The following SRBD1 variants were observed in gnomAD, a reference collection of about 807,000 sequenced individuals.
SRBD1 encodes S1 RNA-binding domain-containing protein 1.
Under a neutral mutation model 115.3 loss-of-function variants are expected in SRBD1, and 88 were observed. The observed-to-expected ratio is 0.76, with a 90% CI of 0.64 to 0.91. The LOEUF (loss-of-function observed/expected upper bound fraction) is 0.91, where lower values mean the gene tolerates loss of function less well. Among genes scored for constraint, SRBD1 ranks in the 40% least tolerant of loss-of-function variants. SRBD1 has a pLI of 0.00. For synonymous variants in SRBD1, 509 were observed against 407.7 expected, an observed-to-expected ratio of 1.25 and a Z score of -2.99; for missense variants, 1,385 against 1,177.4, an observed-to-expected ratio of 1.18 and a Z score of -2.58.
At chr2:45,560,309 T>C (rs1558478817) in intron 10 of SRBD1, among the ~76,000 whole-genome samples, 1 of 152,238 alleles carries the variant, frequency 6.6e-6, no homozygotes, top group East Asian at 1.9e-4. Context: ...GTTAAAAGCA[T>C]ATTTTTTCTT....
chr2:45,508,470 T>C (rs1249620015), intron 14 of SRBD1, among the ~76,000 whole-genome samples: 1 of 152,210 alleles, frequency 6.6e-6, no homozygotes, highest in Non-Finnish European at 1.5e-5. Flanking sequence ...GGACTTGATG[T>C]TGTCCTAAAA....
intron 14 of SRBD1, among the ~76,000 whole-genome samples, chr2:45,523,760 G>T (rs1223879191): frequency 6.6e-6 from 1 of 150,898 alleles, no homozygotes; most frequent in Non-Finnish European, 1.5e-5. Context: ...TTTAAAAAAA[G>T]AATTAATATC....
At chr2:45,419,473 C>A (rs2103633062) in intron 17 of SRBD1, among the ~76,000 whole-genome samples, 1 of 152,296 alleles carries the variant, frequency 6.6e-6, no homozygotes, top group Non-Finnish European at 1.5e-5. Context: ...AGTGAAAAAT[C>A]TCTACTCTCA....
At chr2:45,600,357 C>A (rs1376561450) in intron 3 of SRBD1, among the ~76,000 whole-genome samples, 1 of 151,922 alleles carries the variant, frequency 6.6e-6, no homozygotes, top group Non-Finnish European at 1.5e-5. Flanking sequence ...TTATTTCTTC[C>A]CATTGCATGT....
chr2:45,544,930 T>C, intron 14 of SRBD1, among the ~76,000 whole-genome samples: 1 of 152,130 alleles, frequency 6.6e-6, no homozygotes, highest in South Asian at 2.1e-4. Context: ...TGAAGGAAAG[T>C]GAAGCTAAGA....
In SRBD1 at chr2:45,393,043, C is replaced by G; in HGVS notation, c.2600G>C (p.Gly867Ala). Residue 867 changes from glycine to alanine, a missense_variant, in exon 20 of 21, where the codon GGA becomes GCA. Transcript: ENST00000263736. ...QKINSFLEKE[G>A]MEKIAERLQT... ...CAATCTTTCTGCAATTTTCTCCATT[C>G]CTTCCTTTTCAAGGAATGAATTTAT... is the stretch of plus-strand genomic sequence containing the variant. 1 of 1,614,056 alleles carries G rather than the reference C, an allele frequency of 6.2e-7. No homozygotes were observed. Among genetic ancestry groups the G allele is most frequent in the Non-Finnish European group, 8.5e-7 (1 of 1,179,964 alleles).
chr2:45,537,954 G>T (rs1671816307), intron 14 of SRBD1, among the ~76,000 whole-genome samples: 1 of 152,236 alleles, frequency 6.6e-6, no homozygotes, highest in South Asian at 2.1e-4. Context: ...GGAGACAGCT[G>T]TGCTAAGGAT....
intron 16 of SRBD1, among the ~76,000 whole-genome samples, chr2:45,438,468 G>C (rs1207030472): frequency 6.6e-6 from 1 of 152,162 alleles, no homozygotes; most frequent in Non-Finnish European, 1.5e-5. Context: ...CTTTAAAGTG[G>C]CTCCAGGACT....
At chr2:45,521,749 T>C (rs1230352083) in intron 14 of SRBD1, among the ~76,000 whole-genome samples, 1 of 151,580 alleles carries the variant, frequency 6.6e-6, no homozygotes, top group Non-Finnish European at 1.5e-5. Flanking sequence ...GGAGGATCAC[T>C]TGAGCTTAGG....
At chr2:45,465,810 A>G (rs1465449109) in intron 16 of SRBD1, among the ~76,000 whole-genome samples, 1 of 152,226 alleles carries the variant, frequency 6.6e-6, no homozygotes, top group Non-Finnish European at 1.5e-5. Context: ...ATTTGTGACC[A>G]GGCTACATTT....
intron 16 of SRBD1, among the ~76,000 whole-genome samples, chr2:45,429,088 C>A (rs1298957075): frequency 1.3e-5 from 2 of 152,138 alleles, no homozygotes; most frequent in Non-Finnish European, 2.9e-5. Flanking sequence ...CCACCCAAGA[C>A]TACACCAGGA....
intron 14 of SRBD1, among the ~76,000 whole-genome samples, chr2:45,493,379 C>T (rs1670356974): frequency 1.3e-5 from 2 of 152,156 alleles, no homozygotes; most frequent in Non-Finnish European, 2.9e-5. Context: ...CTACCACGAA[C>T]AGTGGGGGCT....
intron 14 of SRBD1, among the ~76,000 whole-genome samples, chr2:45,506,927 T>G (rs1020415676): frequency 1.3e-5 from 2 of 152,210 alleles, no homozygotes; most frequent in African/African-American, 4.8e-5. Flanking sequence ...CTGTCTTTTT[T>G]CCCACACACT....
intron 16 of SRBD1, among the ~76,000 whole-genome samples, chr2:45,465,805 T>G (rs1427278399): frequency 6.6e-6 from 1 of 152,202 alleles, no homozygotes; most frequent in African/African-American, 2.4e-5. Context: ...GAAGCATTTG[T>G]GACCAGGCTA....
intron 4 of SRBD1, among the ~76,000 whole-genome samples, chr2:45,596,792 G>C (rs1020450754): frequency 1.3e-5 from 2 of 152,112 alleles, no homozygotes; most frequent in Non-Finnish European, 2.9e-5. Context: ...TATGGTAAAA[G>C]AAACCTAAGT....
At chr2:45,460,161 C>T (rs1024398642) in intron 16 of SRBD1, among the ~76,000 whole-genome samples, 2 of 152,234 alleles carry the variant, frequency 1.3e-5, no homozygotes, top group East Asian at 1.9e-4. Context: ...ACAATCATGC[C>T]CTGATCATCT....
intron 14 of SRBD1, among the ~76,000 whole-genome samples, chr2:45,516,796 T>C (rs1185885031): frequency 1.3e-5 from 2 of 152,238 alleles, no homozygotes. Context: ...AACATGGTTC[T>C]GCAGGAAAGG....
intron 15 of SRBD1, among the ~76,000 whole-genome samples, chr2:45,484,952 A>G (rs553483807): frequency 4.9e-4 from 75 of 152,302 alleles, no homozygotes; most frequent in Middle Eastern, 6.8e-3. Context: ...ATGATATTCT[A>G]TTGTATGGCT....
At chr2:45,400,628 T>C (rs1667267206) in intron 19 of SRBD1, among the ~76,000 whole-genome samples, 2 of 151,984 alleles carry the variant, frequency 1.3e-5, no homozygotes, top group South Asian at 2.1e-4. Flanking sequence ...TCCCTCCAAC[T>C]ACCCCCATTT....
Sources: allele counts gnomAD v4.1 joint callset (sites outside exome capture counted in the v4.1 genomes callset), GRCh38; gene constraint gnomAD v4.1.1; transcripts MANE v1.5; gene names NCBI Gene and HGNC (gene_info 2026-07-23, HGNC 2026-07-21).